CAST: variants seen among roughly 807,000 people sequenced by gnomAD.
CAST encodes MIR583 host.
Under a neutral mutation model 119.6 loss-of-function variants are expected in CAST, and 76 were observed. The ratio of observed to expected loss-of-function variants is 0.64; its 90% CI spans 0.53 to 0.77. CAST has a LOEUF of 0.77. CAST is among the 30% of genes least tolerant of loss of function. The pLI is 0.00. For missense variants in CAST, 953 were observed against 946.5 expected, an observed-to-expected ratio of 1.01 and a Z score of -0.09; for synonymous variants, 319 against 331.6, an observed-to-expected ratio of 0.96 and a Z score of 0.41.
the CAST span, among the ~76,000 whole-genome samples, chr5:96,180,300 T>C: frequency 3.7e-4 from 56 of 152,224 alleles, no homozygotes; most frequent in Admixed American, 3.5e-3. Context: ...TGGGAAATTA[T>C]AGGATTTACA....
At chr5:96,502,786 T>G in the CAST span, among the ~76,000 whole-genome samples, 12 of 152,170 alleles carry the variant, frequency 7.9e-5, no homozygotes, top group Non-Finnish European at 1.6e-4. Context: ...CATAAAAGAC[T>G]ATGGAAATTT....
the CAST span, among the ~76,000 whole-genome samples, chr5:96,515,485 A>T: frequency 3.9e-5 from 6 of 152,182 alleles, no homozygotes; most frequent in African/African-American, 1.4e-4. Flanking sequence ...TCCTGGTGCT[A>T]TCTTGGAGCC....
chr5:96,145,845 C>T, the CAST span, among the ~76,000 whole-genome samples: 1 of 152,178 alleles, frequency 6.6e-6, no homozygotes, highest in African/African-American at 2.4e-5. Context: ...GGGGCTGTAG[C>T]AATCTCAGCT....
chr5:96,616,767 C>T (rs1385585860), intron 1 of CAST, among the ~76,000 whole-genome samples: 1,940 of 148,166 alleles, frequency 0.013, 55 homozygotes, highest in African/African-American at 0.041. Context: ...CACACACACA[C>T]ACACACACAC....
intron 1 of CAST, among the ~76,000 whole-genome samples, chr5:96,551,868 C>A (rs985343398): frequency 6.6e-6 from 1 of 152,118 alleles, no homozygotes; most frequent in Non-Finnish European, 1.5e-5. Context: ...GAAGAGCAAA[C>A]TATCCTAAAT....
chr5:96,186,455 G>A, the CAST span, among the ~76,000 whole-genome samples: 1 of 152,110 alleles, frequency 6.6e-6, no homozygotes, highest in Non-Finnish European at 1.5e-5. Flanking sequence ...TCCAGTTTTT[G>A]CACATTCAGT....
intron 4 of CAST, among the ~76,000 whole-genome samples, chr5:96,723,857 T>C (rs1057026015): frequency 1.3e-5 from 2 of 152,256 alleles, no homozygotes; most frequent in African/African-American, 2.4e-5. Flanking sequence ...TTTTGTTTTC[T>C]GTCTTTCATA....
chr5:96,746,532 G>A, intron 17 of CAST, 107 bp downstream of exon 17: 1 of 774,750 alleles, frequency 1.3e-6, no homozygotes, highest in East Asian at 2.4e-5. Context: ...CCCCCATTCA[G>A]ATATTAACTC....
chr5:96,196,280 C>A, the CAST span, among the ~76,000 whole-genome samples: 3,132 of 152,178 alleles, frequency 0.021, 34 homozygotes, highest in Non-Finnish European at 0.029. Context: ...GCCATTCAAA[C>A]CTTTTGAAGT....
At chr5:96,399,261 A>C in the CAST span, among the ~76,000 whole-genome samples, 2 of 152,196 alleles carry the variant, frequency 1.3e-5, no homozygotes, top group African/African-American at 4.8e-5. Flanking sequence ...TGTGGAGTCA[A>C]ATTCAGGCAG....
chr5:96,577,350 T>C (rs1294953341), intron 1 of CAST, among the ~76,000 whole-genome samples: 1 of 152,138 alleles, frequency 6.6e-6, no homozygotes, highest in Non-Finnish European at 1.5e-5. Flanking sequence ...TCATTGATTT[T>C]CTTTGTCATT....
At chr5:96,186,986 C>T in the CAST span, among the ~76,000 whole-genome samples, 317 of 152,024 alleles carry the variant, frequency 2.1e-3, 1 homozygote, top group African/African-American at 7.0e-3. Context: ...TCCTGGGCTT[C>T]GTTTTGTTGG....
chr5:96,518,155 G>A, the CAST span, among the ~76,000 whole-genome samples: 4 of 152,116 alleles, frequency 2.6e-5, no homozygotes, highest in Non-Finnish European at 5.9e-5. Flanking sequence ...AAATTTGGGA[G>A]AAAAAAACAT....
the CAST span, among the ~76,000 whole-genome samples, chr5:96,351,448 T>G: frequency 1.3e-5 from 2 of 152,154 alleles, no homozygotes; most frequent in Non-Finnish European, 2.9e-5. Flanking sequence ...TCTCTCAGGC[T>G]AGGTCTCTGG....
the CAST span, among the ~76,000 whole-genome samples, chr5:96,250,902 G>A: frequency 2.0e-5 from 3 of 152,304 alleles, no homozygotes; most frequent in East Asian, 3.9e-4. Context: ...GTACAGGGAA[G>A]CCCTTACTTG....
chr5:96,032,542 G>A, the CAST span, among the ~76,000 whole-genome samples: 1 of 152,076 alleles, frequency 6.6e-6, no homozygotes, highest in Admixed American at 6.6e-5. Flanking sequence ...CTAAGATAAT[G>A]CCAGGCATAC....
the CAST span, among the ~76,000 whole-genome samples, chr5:96,502,389 A>T: frequency 6.6e-6 from 1 of 152,114 alleles, no homozygotes; most frequent in African/African-American, 2.4e-5. Context: ...GACAGGACTG[A>T]GTTCATAGCA....
At chr5:96,551,761 T>G (rs1417468724) in intron 1 of CAST, among the ~76,000 whole-genome samples, 1 of 151,612 alleles carries the variant, frequency 6.6e-6, no homozygotes, top group African/African-American at 2.4e-5. Context: ...AAAGCAGGGG[T>G]TGCAATTCTG....
the CAST span, among the ~76,000 whole-genome samples, chr5:96,279,778 T>G: frequency 2.2e-4 from 34 of 152,256 alleles, no homozygotes; most frequent in Non-Finnish European, 2.9e-4. Flanking sequence ...CCATTAAGGA[T>G]TTGGCATCTT....
Sources: gnomAD v4.1 joint callset for allele counts (sites outside exome capture counted in the v4.1 genomes callset) on GRCh38, gnomAD v4.1.1 for gene constraint, MANE v1.5 for transcripts, NCBI Gene and HGNC (gene_info 2026-07-23, HGNC 2026-07-21) for gene names.